IPCEF1: variants seen among roughly 807,000 people sequenced by gnomAD.
IPCEF1 encodes interaction protein for cytohesin exchange factors 1.
A neutral mutation model predicts 50.9 loss-of-function variants in IPCEF1; 31 were observed. That is an observed-to-expected ratio of 0.61 (90% CI 0.46 to 0.82). IPCEF1 has a LOEUF of 0.82. Ranked by LOEUF, IPCEF1 falls within the 40% of genes least tolerant of loss-of-function variation. The pLI is 0.00. For missense variants in IPCEF1, 458 were observed against 514.0 expected (o/e 0.89, Z 1.05); for synonymous variants, 181 against 192.0 (o/e 0.94, Z 0.47).
intron 5 of IPCEF1, among the ~76,000 whole-genome samples, chr6:154,246,090 C>A (rs948048504): frequency 2.0e-5 from 3 of 152,062 alleles, no homozygotes; most frequent in African/African-American, 7.2e-5. Context: ...GATTCCAAAC[C>A]AACCCATTTG....
intron 9 of IPCEF1, among the ~76,000 whole-genome samples, chr6:154,202,215 A>G (rs573032705): frequency 2.0e-5 from 3 of 152,318 alleles, no homozygotes; most frequent in Admixed American, 6.5e-5. Flanking sequence ...AACTAATCAC[A>G]TATCTTCTCA....
chr6:154,284,193 T>C (rs1175432608), intron 2 of IPCEF1, among the ~76,000 whole-genome samples: 1 of 152,224 alleles, frequency 6.6e-6, no homozygotes, highest in Non-Finnish European at 1.5e-5. Flanking sequence ...TCCTTCTTCA[T>C]AATCCTTTTT....
intron 1 of IPCEF1, among the ~76,000 whole-genome samples, chr6:154,318,507 G>A (rs890952051): frequency 1.3e-5 from 2 of 152,088 alleles, no homozygotes; most frequent in African/African-American, 4.8e-5. Flanking sequence ...GCACAAATCT[G>A]CTTTCATTTC....
intron 5 of IPCEF1, among the ~76,000 whole-genome samples, chr6:154,224,919 T>G (rs992220839): frequency 1.3e-5 from 2 of 152,186 alleles, no homozygotes; most frequent in African/African-American, 4.8e-5. Flanking sequence ...ATTCAAAGAA[T>G]ACAGACTAAG....
chr6:154,317,548 C>CA (rs71021041), intron 1 of IPCEF1, among the ~76,000 whole-genome samples: 3,276 of 16,294 alleles, frequency 0.2, 1,145 homozygotes, highest in East Asian at 0.5. Context: ...GACTCCATCT[C>CA]AAAAAAAAAA....
rs73567174 is a variant in IPCEF1, at chr6:154,222,297, C to T, written c.320+873G>A. On this transcript the variant is annotated intron_variant, in intron 6 of 11. Transcript: ENST00000367220. ...TAAATAGCCAATCCTTTTCAAACCA[C>T]AAGAATCAGCACTGGACATGTGCAA... Among the ~76,000 whole-genome samples, 533 of 152,364 alleles carry T rather than the reference C, an allele frequency of 3.5e-3. 4 individuals carry two copies. Among genetic ancestry groups the T allele is most frequent in the African/African-American group, 0.012 (507 of 41,568 alleles).
intron 2 of IPCEF1, among the ~76,000 whole-genome samples, chr6:154,277,111 A>T (rs746794350): frequency 1.3e-5 from 2 of 152,206 alleles, no homozygotes; most frequent in African/African-American, 2.4e-5. Flanking sequence ...TTCATTCAGA[A>T]ACTATGAAGG....
At chr6:154,244,969 G>A (rs1780909964) in intron 5 of IPCEF1, among the ~76,000 whole-genome samples, 2 of 152,090 alleles carry the variant, frequency 1.3e-5, no homozygotes, top group South Asian at 4.1e-4. Context: ...GAGGACTATC[G>A]CTTGCCACAA....
intron 3 of IPCEF1, among the ~76,000 whole-genome samples, chr6:154,251,141 C>G (rs1420605507): frequency 6.6e-6 from 1 of 152,182 alleles, no homozygotes; most frequent in South Asian, 2.1e-4. Flanking sequence ...TTAATTTTTT[C>G]AGAAGACTAA....
chr6:154,165,226 C>A (rs7755635), intron 11 of IPCEF1, among the ~76,000 whole-genome samples: 94,118 of 151,880 alleles, frequency 0.62, 29,885 homozygotes, highest in African/African-American at 0.74. Context: ...ACTTCCATAC[C>A]ACTACTACCA....
chr6:154,286,956 C>G (rs1782375378), intron 2 of IPCEF1, among the ~76,000 whole-genome samples: 2 of 152,184 alleles, frequency 1.3e-5, no homozygotes. Context: ...GTGACTGGAT[C>G]ACGGGGGTGG....
intron 10 of IPCEF1, among the ~76,000 whole-genome samples, chr6:154,194,062 G>A (rs998533795): frequency 2.0e-5 from 3 of 152,244 alleles, no homozygotes; most frequent in Admixed American, 6.5e-5. Context: ...CGTACTTAAC[G>A]CCCAGGGCAG....
chr6:154,212,427 G>C (rs1028284098), intron 9 of IPCEF1, among the ~76,000 whole-genome samples: 1 of 152,100 alleles, frequency 6.6e-6, no homozygotes, highest in Non-Finnish European at 1.5e-5. Context: ...ACATAGGCAA[G>C]GCATTTAAAT....
chr6:154,301,021 C>T (rs148695494), intron 1 of IPCEF1, among the ~76,000 whole-genome samples: 1 of 152,250 alleles, frequency 6.6e-6, no homozygotes, highest in East Asian at 1.9e-4. Context: ...CAAGTTAACT[C>T]GGCCACTTAC....
At chr6:154,253,926 G>C (rs371858395) in intron 3 of IPCEF1, among the ~76,000 whole-genome samples, 1 of 151,754 alleles carries the variant, frequency 6.6e-6, no homozygotes. Context: ...CCAGCTCCTA[G>C]AGGTGATGTA....
At position 154,288,612 on chromosome 6, in the gene IPCEF1, G is replaced by A. The variant is rs1431645755; in HGVS notation, c.-18+1101C>T. Among the ~76,000 whole-genome samples, 14 of 140,632 alleles carry A rather than the reference G, an allele frequency of 1.0e-4. 2 individuals carry two copies. The highest frequency in any genetic ancestry group is 9.1e-4 in the East Asian group (4 of 4,400). The allele number at this position is 140,632 out of a possible 152,430, so 92.3% of individuals were successfully genotyped here. On this transcript the variant is annotated intron_variant, in intron 2 of 11. Coordinates refer to ENST00000367220, the MANE Select transcript of IPCEF1 (RefSeq NM_001130700.2). ...CAGGAGACCGAGGTTGCAGTGAGCC[G>A]AGATCGTGCCACCGCACTCCAGCCT...
intron 2 of IPCEF1, among the ~76,000 whole-genome samples, chr6:154,280,764 C>T (rs539412445): frequency 2.0e-5 from 3 of 152,290 alleles, no homozygotes; most frequent in East Asian, 1.9e-4. Context: ...AGAGGGGATT[C>T]GGGATCCCGA....
intron 9 of IPCEF1, among the ~76,000 whole-genome samples, chr6:154,202,948 T>A (rs1777192317): frequency 6.6e-6 from 1 of 152,018 alleles, no homozygotes; most frequent in Admixed American, 6.6e-5. Flanking sequence ...CAGGGGGAGT[T>A]TTCATTGGAA....
intron 10 of IPCEF1, among the ~76,000 whole-genome samples, chr6:154,175,691 AC>A (rs1332257991): frequency 6.6e-6 from 1 of 152,168 alleles, no homozygotes. Context: ...TAGCCTACCA[AC>A]CAAAAAAAAT....
Sources: gnomAD v4.1 joint callset for allele counts (sites outside exome capture counted in the v4.1 genomes callset) on GRCh38, gnomAD v4.1.1 for gene constraint, MANE v1.5 for transcripts, NCBI Gene and HGNC (gene_info 2026-07-23, HGNC 2026-07-21) for gene names.